Variants in PPP2R2B observed in about 807,000 individuals in gnomAD.
The protein encoded by PPP2R2B is serine/threonine-protein phosphatase 2A 55 kDa regulatory subunit B beta isoform.
In PPP2R2B, 5 loss-of-function variants were observed where a neutral mutation model predicts 46.0. The observed-to-expected ratio is 0.11, with a 90% CI of 0.06 to 0.23. The LOEUF (loss-of-function observed/expected upper bound fraction) is 0.23. Ranked by LOEUF, PPP2R2B falls within the 10% of genes least tolerant of loss-of-function variation. The pLI, the probability that PPP2R2B is intolerant of heterozygous loss-of-function variation, is 1.00. For missense variants in PPP2R2B, 367 were observed against 575.0 expected (o/e 0.64, Z 3.70); for synonymous variants, 215 against 206.7 (o/e 1.04, Z -0.34).
At chr5:146,880,902 G>T (rs768259275), upstream of PPP2R2B, among the ~76,000 whole-genome samples, 2 of 152,160 alleles carry the variant, frequency 1.3e-5, no homozygotes, top group Non-Finnish European at 2.9e-5. Context: ...AGATTTCAAG[G>T]TTTCCATTTG....
rs980671993 is a variant in PPP2R2B at position 146,926,626 on chromosome 5, G to A, written c.79+129039C>T. Among the ~76,000 whole-genome samples the A allele has an allele frequency of 2.0e-5, 3 of 152,084 alleles. No individual in the cohort carries two copies. In the East Asian group the frequency reaches 5.8e-4, roughly 29 times the overall value. On this transcript the variant is annotated intron_variant, in intron 1 of 8. Transcript: ENST00000336640. ...CAGCTAATGATTGAACATCATTTAT[G>A]TTCAAACACCTTAAACCACTAAGAT...
chr5:146,686,320 A>G (rs1778497720), intron 5 of PPP2R2B, among the ~76,000 whole-genome samples: 1 of 152,208 alleles, frequency 6.6e-6, no homozygotes, highest in African/African-American at 2.4e-5. Context: ...GACAAGAGCT[A>G]AGCAAAAAAG....
chr5:146,828,406 A>G (rs926879473), intron 2 of PPP2R2B, among the ~76,000 whole-genome samples: 4 of 152,318 alleles, frequency 2.6e-5, no homozygotes, highest in African/African-American at 7.2e-5. Flanking sequence ...GGGCTGGTGC[A>G]TTGCTTTCAG....
At chr5:146,701,187 C>T in intron 2 of PPP2R2B, 45 bp from the exon 3 acceptor site, 1 of 1,427,360 alleles carries the variant, frequency 7.0e-7, no homozygotes, top group South Asian at 1.1e-5. Context: ...TGCACACTTA[C>T]TTTGAAAGGA....
intron 1 of PPP2R2B, among the ~76,000 whole-genome samples, chr5:146,996,704 C>A (rs1753938472): frequency 6.6e-6 from 1 of 152,138 alleles, no homozygotes; most frequent in African/African-American, 2.4e-5. Context: ...TGATAAGTCA[C>A]TATGGTACCT....
At chr5:146,719,029 A>G (rs1166410293) in intron 2 of PPP2R2B, among the ~76,000 whole-genome samples, 1 of 152,220 alleles carries the variant, frequency 6.6e-6, no homozygotes, top group Non-Finnish European at 1.5e-5. Flanking sequence ...GACGAAAATG[A>G]GATTTGCTGT....
At chr5:147,055,874 G>A (rs1757065394) in exon 1 of PPP2R2B, 1 of 1,458,428 alleles carries the variant, frequency 6.9e-7, no homozygotes, top group South Asian at 1.4e-5. Context: ...GCAAAGCTGG[G>A]GTGCCCGAGG....
chr5:146,781,198 T>C (rs1173565282), intron 2 of PPP2R2B, among the ~76,000 whole-genome samples: 1 of 127,940 alleles, frequency 7.8e-6, no homozygotes, highest in Non-Finnish European at 1.7e-5. Flanking sequence ...ATGATATAAG[T>C]GAAGAAACTA....
chr5:146,862,404 C>T lies in PPP2R2B; in HGVS notation c.70+15598G>A, dbSNP rs1004222657. 3.9e-5 allele frequency among the ~76,000 whole-genome samples: 6 copies of T among 152,176 alleles called. No individual in the cohort carries two copies. In the East Asian group the frequency reaches 5.8e-4, roughly 15 times the overall value. ...AGTGTCTGTCTTGTTGGGGAGATGA[C>T]GTGCAGGATCTGTGTCTTTAGATCT... On this transcript the variant is annotated intron_variant, in intron 2 of 9. Coordinates refer to ENST00000394411, the MANE Select transcript of PPP2R2B (RefSeq NM_181675.4).
intron 2 of PPP2R2B, among the ~76,000 whole-genome samples, chr5:146,731,315 T>G (rs1257643904): frequency 1.3e-5 from 2 of 152,194 alleles, no homozygotes; most frequent in South Asian, 4.1e-4. Context: ...GGGTACCTGA[T>G]GTTTGCTGCA....
At chr5:146,944,419 G>A (rs1379169880) in intron 1 of PPP2R2B, among the ~76,000 whole-genome samples, 1 of 152,082 alleles carries the variant, frequency 6.6e-6, no homozygotes, top group Non-Finnish European at 1.5e-5. Context: ...TGCAACCCAA[G>A]GAAACGCCAA....
At position 146,878,093 on chromosome 5, in the gene PPP2R2B, G is replaced by A; in HGVS notation, c.-22C>T. 1.9e-6 allele frequency: 3 copies of A among 1,614,174 alleles called. No individual in the cohort carries two copies. The highest frequency in any genetic ancestry group is 1.7e-6 in the Non-Finnish European group (2 of 1,180,016). On this transcript the variant is annotated 5_prime_UTR_variant, in exon 2 of 10. Coordinates refer to ENST00000394411, the MANE Select transcript of PPP2R2B (RefSeq NM_181675.4). This position sits in a 1 kb window ranked among gnomAD's most constrained non-coding sequence, Gnocchi z 4.5. ...CCATTGACAGCAGGCTTACTTGCGT[G>A]GGAACCAGAAGCCGGCAGACAAGTA...
At chr5:146,635,958 A>G (rs1774792677) in intron 7 of PPP2R2B, among the ~76,000 whole-genome samples, 1 of 152,142 alleles carries the variant, frequency 6.6e-6, no homozygotes, top group Non-Finnish European at 1.5e-5. Context: ...TAATATCACT[A>G]ATGTCACTTA....
At chr5:146,719,535 T>G (rs766279830) in intron 2 of PPP2R2B, among the ~76,000 whole-genome samples, 2 of 152,144 alleles carry the variant, frequency 1.3e-5, no homozygotes, top group Non-Finnish European at 2.9e-5. Flanking sequence ...GAGATAAGGA[T>G]GGGGAGGAGC....
chr5:146,947,163 A>G (rs1764510840), intron 1 of PPP2R2B, among the ~76,000 whole-genome samples: 7 of 152,170 alleles, frequency 4.6e-5, no homozygotes, highest in Admixed American at 4.6e-4. Context: ...GACAACATTC[A>G]GGATCTCTCA....
rs3062349 is a variant in PPP2R2B at position 146,863,641 on chromosome 5, TATCCATCCATCC to T, written c.70+14349_70+14360del. Among the ~76,000 whole-genome samples, 49 of 150,582 alleles carry T rather than the reference TATCCATCCATCC, an allele frequency of 3.3e-4. No individual in the cohort carries two copies. In the East Asian group the frequency reaches 4.5e-3, roughly 14 times the overall value. ...CCATTCAACTGCCCATCCATCCATC[TATCCATCCATCC>T]ATCCATCCATCCATCCATCCATCCA... is the stretch of plus-strand genomic sequence containing the variant. On this transcript the variant is annotated intron_variant, in intron 2 of 9. Transcript: ENST00000394411.
chr5:146,866,069 T>C (rs766879400), intron 2 of PPP2R2B, among the ~76,000 whole-genome samples: 1 of 152,228 alleles, frequency 6.6e-6, no homozygotes, highest in Non-Finnish European at 1.5e-5. Context: ...AATACAGCCA[T>C]GTCCACATAC....
intron 2 of PPP2R2B, among the ~76,000 whole-genome samples, chr5:146,778,696 G>A (rs1369125077): frequency 6.6e-6 from 1 of 152,148 alleles, no homozygotes; most frequent in African/African-American, 2.4e-5. Context: ...GAGAGGAGAT[G>A]GGTCAGTGAC....
chr5:146,991,459 A>G (rs1350953108), intron 1 of PPP2R2B, among the ~76,000 whole-genome samples: 1 of 152,158 alleles, frequency 6.6e-6, no homozygotes, highest in Non-Finnish European at 1.5e-5. Flanking sequence ...TGGTTGGCCA[A>G]TAGGTACAAC....
Sources: allele counts gnomAD v4.1 joint callset (sites outside exome capture counted in the v4.1 genomes callset), GRCh38; gene constraint gnomAD v4.1.1; non-coding constraint Gnocchi (gnomAD v3.1); transcripts MANE v1.5; gene names NCBI Gene and HGNC (gene_info 2026-07-23, HGNC 2026-07-21).